SEPTIN4: variants seen among roughly 807,000 people sequenced by gnomAD.
SEPTIN4 encodes the protein septin-4.
In SEPTIN4, 52 loss-of-function variants were observed where a neutral mutation model predicts 107.1. That is an observed-to-expected ratio of 0.49 (90% CI 0.39 to 0.61). The LOEUF (loss-of-function observed/expected upper bound fraction) is 0.61, where lower values mean the gene tolerates loss of function less well. Among genes scored for constraint, SEPTIN4 ranks in the 20% least tolerant of loss-of-function variants. The pLI is 0.00. For missense variants in SEPTIN4, 1,048 were observed against 1,243.5 expected, an observed-to-expected ratio of 0.84 and a Z score of 2.36; for synonymous variants, 417 against 467.0, an observed-to-expected ratio of 0.89 and a Z score of 1.38.
At chr17:58,527,653 C>T (rs1267134605) in intron 3 of SEPTIN4, 1 of 183,652 alleles carries the variant, frequency 5.4e-6, no homozygotes, top group Non-Finnish European at 1.0e-5. Context: ...ACCCTGGGCC[C>T]TGGGAGAGAA....
chr17:58,539,863 T>A (rs1022849795), intron 3 of SEPTIN4, among the ~76,000 whole-genome samples: 4 of 152,174 alleles, frequency 2.6e-5, no homozygotes, highest in Admixed American at 2.6e-4. Context: ...GGCATAAGGT[T>A]GGATAAGAAC....
At chr17:58,523,196 A>AC (rs1309418182) in intron 7 of SEPTIN4, among the ~76,000 whole-genome samples, 1 of 151,884 alleles carries the variant, frequency 6.6e-6, no homozygotes, top group Non-Finnish European at 1.5e-5. Flanking sequence ...ACATAGCGAG[A>AC]CCCCCATCTC....
chr17:58,542,220 C>T (rs6503866), intron 1 of SEPTIN4, among the ~76,000 whole-genome samples: 55,191 of 151,926 alleles, frequency 0.36, 10,398 homozygotes, highest in East Asian at 0.51. Flanking sequence ...CATCTGCATC[C>T]CACCCTCTCC....
intron 3 of SEPTIN4, chr17:58,529,165 A>T: frequency 1.2e-6 from 2 of 1,614,202 alleles, no homozygotes; most frequent in Non-Finnish European, 1.7e-6. Flanking sequence ...CATCCCAGTG[A>T]ACGGTCCATG....
At chr17:58,529,227 C>T in intron 3 of SEPTIN4, 1 of 1,614,112 alleles carries the variant, frequency 6.2e-7, no homozygotes, top group South Asian at 1.1e-5. Context: ...TTTTATCTCC[C>T]AGGCAAAGTT....
chr17:58,540,800 A>AG, intron 2 of SEPTIN4, 127 bp from the exon 3 acceptor site: 2 of 1,008,738 alleles, frequency 2.0e-6, no homozygotes, highest in Non-Finnish European at 2.6e-6. Context: ...ACCTGGCCCA[A>AG]TCCCTTCCTA....
Position 58,526,223 on chromosome 17 carries a change from C to T in SEPTIN4, c.2002G>A (p.Ala668Thr). Residue 668 changes from alanine to threonine, a missense_variant, in exon 5 of 14, where the codon GCA becomes ACA. Coordinates refer to ENST00000672673, the MANE Select transcript of SEPTIN4 (RefSeq NM_001368771.2). ...CCCAGCCCTGCCCCTTTTTTACCTG[C>T]CACCATGAGGGTAAAGTCAAAGCCT... is the stretch of plus-strand genomic sequence containing the variant. ...KKGFDFTLMV[A>T]GESGLGKSTL... The T allele has an allele frequency of 6.3e-7, 1 of 1,589,824 alleles. No individual in the cohort carries two copies. Among genetic ancestry groups the T allele is most frequent in the Admixed American group, 1.8e-5 (1 of 55,554 alleles).
intron 3 of SEPTIN4, chr17:58,539,312 T>C (rs2043815649): frequency 1.5e-6 from 1 of 665,260 alleles, no homozygotes; most frequent in East Asian, 3.0e-5. Flanking sequence ...AAAAAGGGGA[T>C]GAAGGTGGGG....
At position 58,520,604 on chromosome 17, in the gene SEPTIN4, A is replaced by G. The variant is rs1485256961; in HGVS notation, c.2932-119T>C. ...TTGGTAGCCGTGAGGTGTGATGGAGACTCTGGACAGAACCACCTATTGACC... is the reference window on the plus strand; with the variant it reads ...TTGGTAGCCGTGAGGTGTGATGGAGGCTCTGGACAGAACCACCTATTGACC... On this transcript the variant is annotated intron_variant, in intron 13 of 13. Coordinates refer to ENST00000672673, the MANE Select transcript of SEPTIN4 (RefSeq NM_001368771.2). The G allele has an allele frequency of 2.7e-6, 4 of 1,500,150 alleles. No homozygotes were observed. The East Asian group carries it at 6.8e-5, about 25-fold the overall frequency. The allele number at this position is 1,500,150 out of a possible 1,614,324, so 92.9% of individuals were successfully genotyped here.
At position 58,543,410 on chromosome 17, in the gene SEPTIN4, T is replaced by G. The variant is rs749679646; in HGVS notation, c.777A>C (p.Lys259Asn). ...ETGPYGPIPS[K>N]PKALYRNMNL... The stretch of plus-strand genomic sequence containing the variant: ...TCATATTCCTATACAAGGCCTTGGG[T>G]TTTGAAGGAATTGGACCGTAAGGAC... Residue 259 changes from lysine (K) to asparagine (N), a missense_variant, in exon 1 of 14, where the codon AAA becomes AAC. Coordinates refer to ENST00000672673, the MANE Select transcript of SEPTIN4 (RefSeq NM_001368771.2). 34 of 1,614,020 alleles carry G rather than the reference T, an allele frequency of 2.1e-5. No individual in the cohort carries two copies. In the South Asian group the frequency reaches 3.6e-4, roughly 17 times the overall value.
At chr17:58,526,573 AACACACAC>A (rs3034932) in intron 4 of SEPTIN4, 101 bp downstream of exon 4, 415 of 1,303,782 alleles carry the variant, frequency 3.2e-4, no homozygotes, top group South Asian at 2.5e-3. Flanking sequence ...CACACACACA[AACACACAC>A]ACACACACAC....
intron 2 of SEPTIN4, chr17:58,541,532 CAT>C (rs988867786): frequency 1.2e-5 from 4 of 320,086 alleles, no homozygotes; most frequent in African/African-American, 8.6e-5. Context: ...CAGAGAAACA[CAT>C]GAGAAGAGCC....
chr17:58,527,221 C>A, intron 3 of SEPTIN4: 1 of 760,884 alleles, frequency 1.3e-6, no homozygotes, highest in Non-Finnish European at 2.3e-6. Flanking sequence ...GAGCCCTGGG[C>A]ACCCCCAGAG....
intron 3 of SEPTIN4, chr17:58,527,647 T>C (rs2043069687): frequency 5.7e-6 from 1 of 174,162 alleles, no homozygotes; most frequent in Non-Finnish European, 1.1e-5. Context: ...AATCTGACCC[T>C]GGGCCCTGGG....
Position 58,521,233 on chromosome 17 carries a change from G to C in SEPTIN4, c.2668+21C>G. The C allele has an allele frequency of 3.1e-6, 5 of 1,614,106 alleles. No individual in the cohort carries two copies. The highest frequency in any genetic ancestry group is 4.2e-6 in the Non-Finnish European group (5 of 1,179,936). Reference sequence around the variant, plus strand: ...CCACTGAGGGCAAGGAGATACCCTGGTCACAGGCTCAGTGCTTTACCTTCC... The same window carrying C: ...CCACTGAGGGCAAGGAGATACCCTGCTCACAGGCTCAGTGCTTTACCTTCC... On this transcript the variant is annotated intron_variant, in intron 11 of 13. Coordinates refer to ENST00000672673, the MANE Select transcript of SEPTIN4 (RefSeq NM_001368771.2). The surrounding 1 kb of genome is among the most constrained non-coding windows in gnomAD (Gnocchi z 6.4).
chr17:58,526,404 C>T, intron 4 of SEPTIN4, 91 bp from the exon 5 acceptor site: 1 of 1,384,546 alleles, frequency 7.2e-7, no homozygotes, highest in Middle Eastern at 1.9e-4. Flanking sequence ...CAGGCCTTTG[C>T]CCCAGCCTTA....
rs370290892 is a variant in SEPTIN4, at chr17:58,526,211, C to G, written c.2005+9G>C. On this transcript the variant is annotated intron_variant, in intron 5 of 13. Transcript: ENST00000672673. Reference sequence around the variant, plus strand: ...CACCCTGCCCAACCCAGCCCTGCCCCTTTTTTACCTGCCACCATGAGGGTA... The same window carrying G: ...CACCCTGCCCAACCCAGCCCTGCCCGTTTTTTACCTGCCACCATGAGGGTA... 1.9e-5 allele frequency: 30 copies of G among 1,583,290 alleles called. No individual in the cohort carries two copies. Among genetic ancestry groups the G allele is most frequent in the Non-Finnish European group, 2.4e-5 (28 of 1,165,532 alleles).
chr17:58,521,359 G>C lies in SEPTIN4; in HGVS notation c.2572-9C>G. 1 of 1,613,490 alleles carries C rather than the reference G, an allele frequency of 6.2e-7. No homozygotes were observed. The highest frequency in any genetic ancestry group is 8.5e-7 in the Non-Finnish European group (1 of 1,179,428). On this transcript the variant is annotated splice_polypyrimidine_tract_variant and intron_variant, in intron 10 of 13. Coordinates refer to ENST00000672673, the MANE Select transcript of SEPTIN4 (RefSeq NM_001368771.2). This position sits in a 1 kb window ranked among gnomAD's most constrained non-coding sequence, Gnocchi z 6.4. ...GCAAATGGGATGCTTTCCTGGAAGA[G>C]GTTAGGGGTGCCTGTCAGCACCCTC...
intron 12 of SEPTIN4, 68 bp from the exon 13 acceptor site, chr17:58,520,910 T>A: frequency 6.2e-7 from 1 of 1,612,238 alleles, no homozygotes; most frequent in East Asian, 2.2e-5. Context: ...GCCCAGGGCC[T>A]ATAGAAGAAC....
Sources: gnomAD v4.1 joint callset for allele counts (sites outside exome capture counted in the v4.1 genomes callset) on GRCh38, gnomAD v4.1.1 for gene constraint, Gnocchi (gnomAD v3.1) non-coding constraint, MANE v1.5 for transcripts, NCBI Gene and HGNC (gene_info 2026-07-23, HGNC 2026-07-21) for gene names.